RPL12: variants seen among roughly 807,000 people sequenced by gnomAD.
The protein encoded by RPL12 is large ribosomal subunit protein uL11.
RPL12 carries 10 observed loss-of-function variants against 24.5 expected under a neutral mutation model. The ratio of observed to expected loss-of-function variants is 0.41; its 90% CI spans 0.25 to 0.69. The LOEUF is 0.69. Ranked by LOEUF, RPL12 falls within the 30% of genes least tolerant of loss-of-function variation. RPL12 has a pLI of 0.33. For synonymous variants in RPL12, 74 were observed against 76.1 expected, an observed-to-expected ratio of 0.97 and a Z score of 0.14; for missense variants, 137 against 205.3, an observed-to-expected ratio of 0.67 and a Z score of 2.03.
chr9:127,447,676 C>A lies in RPL12; in HGVS notation c.*45G>T. ...AAGGAAGACGCCACACCAGAAAATCCACCAGTTGTCAAATGATCCTTTATT... is the reference window on the plus strand; with the variant it reads ...AAGGAAGACGCCACACCAGAAAATCAACCAGTTGTCAAATGATCCTTTATT... On this transcript the variant is annotated 3_prime_UTR_variant, in exon 7 of 7. Coordinates refer to ENST00000361436, the MANE Select transcript of RPL12 (RefSeq NM_000976.4). 1 of 1,612,468 alleles carries A rather than the reference C, an allele frequency of 6.2e-7. No homozygotes were observed. The highest frequency in any genetic ancestry group is 8.5e-7 in the Non-Finnish European group (1 of 1,179,172).
Position 127,451,276 on chromosome 9 carries a change from C to T in RPL12, c.37+5G>A. ...CGCAGCCCCGGCCACAACCAGAGCA[C>T]GCACCGACTTTGATCTCGTTGGGGT... On this transcript the variant is annotated splice_donor_5th_base_variant and intron_variant, in intron 1 of 6. Transcript: ENST00000361436. 1 of 1,612,958 alleles carries T rather than the reference C, an allele frequency of 6.2e-7. No homozygotes were observed. Among genetic ancestry groups the T allele is most frequent in the Non-Finnish European group, 8.5e-7 (1 of 1,179,716 alleles).
chr9:127,449,605 A>G lies in RPL12; in HGVS notation c.210+5T>C, dbSNP rs758674373. ...CCTCTCCCGAAACCAAGCACAAGCA[A>G]ATACCTGGGCCTGTCTGTTCTGAAT... On this transcript the variant is annotated splice_donor_5th_base_variant and intron_variant, in intron 3 of 6. Coordinates refer to ENST00000361436, the MANE Select transcript of RPL12 (RefSeq NM_000976.4). The G allele has an allele frequency of 6.2e-7, 1 of 1,613,486 alleles. No individual in the cohort carries two copies. Among genetic ancestry groups the G allele is most frequent in the Non-Finnish European group, 8.5e-7 (1 of 1,179,372 alleles).
Position 127,449,588 on chromosome 9 carries a change from G to A in RPL12, c.210+22C>T, listed in dbSNP as rs373798552. 103 of 1,599,552 alleles carry A rather than the reference G, an allele frequency of 6.4e-5. No individual in the cohort carries two copies. The East Asian group carries it at 1.5e-3, about 24-fold the overall frequency. Reference sequence around the variant, plus strand: ...ACCTGTCCCCCCACCCTCCTCTCCCGAAACCAAGCACAAGCAAATACCTGG... The same window carrying A: ...ACCTGTCCCCCCACCCTCCTCTCCCAAAACCAAGCACAAGCAAATACCTGG... On this transcript the variant is annotated intron_variant, in intron 3 of 6. Coordinates refer to ENST00000361436, the MANE Select transcript of RPL12 (RefSeq NM_000976.4).
chr9:127,450,866 G>GAGA, intron 1 of RPL12, 62 bp from the exon 2 acceptor site: 1 of 1,294,788 alleles, frequency 7.7e-7, no homozygotes, highest in Admixed American at 2.3e-5. Context: ...CCCTCTCAGC[G>GAGA]TCTTTCCGGG....
chr9:127,448,053 G>A, intron 5 of RPL12, 64 bp from the exon 6 acceptor site: 8 of 1,529,114 alleles, frequency 5.2e-6, no homozygotes, highest in Non-Finnish European at 7.0e-6. Flanking sequence ...TGCAGATACT[G>A]GGGAATACTG....
chr9:127,448,720 C>A, intron 4 of RPL12: 1 of 571,430 alleles, frequency 1.7e-6, no homozygotes, highest in Non-Finnish European at 3.3e-6. Flanking sequence ...GGGAGTTAAA[C>A]TGCCCAGTAC....
chr9:127,449,379 T>C lies in RPL12; in HGVS notation c.211-17A>G, dbSNP rs761298225. The C allele has an allele frequency of 6.2e-7, 1 of 1,602,972 alleles. No homozygotes were observed. Among genetic ancestry groups the C allele is most frequent in the South Asian group, 1.1e-5 (1 of 90,900 alleles). On this transcript the variant is annotated splice_polypyrimidine_tract_variant and intron_variant, in intron 3 of 6. Transcript: ENST00000361436. Reference sequence around the variant, plus strand: ...CACCTCAATCTGCAGAAGAGATTCCTGAGTGAATACTCCACCTCCAGTGAA... The same window carrying C: ...CACCTCAATCTGCAGAAGAGATTCCCGAGTGAATACTCCACCTCCAGTGAA...
chr9:127,450,960 C>T, intron 1 of RPL12, 156 bp from the exon 2 acceptor site: 1 of 672,912 alleles, frequency 1.5e-6, no homozygotes, highest in South Asian at 2.0e-5. Flanking sequence ...GTGTGGGCAG[C>T]TCCGAAACTC....
intron 3 of RPL12, 59 bp downstream of exon 3, chr9:127,449,551 C>T: frequency 2.0e-6 from 3 of 1,487,326 alleles, no homozygotes; most frequent in Non-Finnish European, 2.8e-6. Context: ...TCAGGAATCC[C>T]AGAGGGTTGC....
chr9:127,447,813 TCTCTGTGAATACAC>T, intron 6 of RPL12, 50 bp downstream of exon 6: 1 of 1,612,138 alleles, frequency 6.2e-7, no homozygotes, highest in Non-Finnish European at 8.5e-7. Context: ...TCCCAGCTTA[TCTCTGTGAATACAC>T]TGGGTGGCCC....
At chr9:127,449,206 A>G (rs1219768280) in intron 4 of RPL12, 75 bp downstream of exon 4, 2 of 1,255,908 alleles carry the variant, frequency 1.6e-6, no homozygotes, top group South Asian at 1.3e-5. Context: ...GTTTCCTTTA[A>G]GGGAAAACAC....
At chr9:127,450,684 A>G (rs1221646344) in intron 2 of RPL12, 47 bp downstream of exon 2, 1 of 1,425,980 alleles carries the variant, frequency 7.0e-7, no homozygotes, top group Non-Finnish European at 9.6e-7. Flanking sequence ...CCGGCGCTTA[A>G]AGTGAAACAA....
At position 127,449,307 on chromosome 9, in the gene RPL12, G is replaced by A; in HGVS notation, c.266C>T (p.Pro89Leu). The change falls in exon 4 of 7, where the codon CCA (proline) becomes CTA (leucine). Residue 89 changes from proline (P) to leucine (L), a missense_variant. By Grantham distance (98) the Pro-to-Leu change is moderately conservative (BLOSUM62 -3). Coordinates refer to ENST00000361436, the MANE Select transcript of RPL12 (RefSeq NM_000976.4). ...GTTTTTCTGTTTCTTTCTGTCTCTT[G>A]GTGGTTCCTTGAGGGCTTTGATGAT... ...ALIIKALKEPPRDRKKQKNIK... is the reference protein window; with the variant it reads ...ALIIKALKEPLRDRKKQKNIK... 2 of 1,612,602 alleles carry A rather than the reference G, an allele frequency of 1.2e-6. No homozygotes were observed. Among genetic ancestry groups the A allele is most frequent in the Non-Finnish European group, 1.7e-6 (2 of 1,179,958 alleles).
chr9:127,448,560 G>A, intron 4 of RPL12, 137 bp from the exon 5 acceptor site: 1 of 776,948 alleles, frequency 1.3e-6, no homozygotes, highest in East Asian at 2.4e-5. Flanking sequence ...TGTTTCCTAA[G>A]CTGGGGTTTA....
In RPL12 at chr9:127,448,008, T is replaced by C. The variant is rs561192837; in HGVS notation, c.380-19A>G. 3 of 1,592,832 alleles carry C rather than the reference T, an allele frequency of 1.9e-6. No individual in the cohort carries two copies. In the African/African-American group the frequency reaches 4.0e-5, roughly 21 times the overall value. On this transcript the variant is annotated intron_variant, in intron 5 of 6. Coordinates refer to ENST00000361436, the MANE Select transcript of RPL12 (RefSeq NM_000976.4). The stretch of plus-strand genomic sequence containing the variant: ...ATGGTTCCTTTAAGTAAAGAAATGG[T>C]GGCATTGGAGGTGCTGGCTCAGTCC...
chr9:127,449,568 T>C lies in RPL12; in HGVS notation c.210+42A>G, dbSNP rs751228318. On this transcript the variant is annotated intron_variant, in intron 3 of 6. Transcript: ENST00000361436. Reference sequence around the variant, plus strand: ...AGGAATCCCAGAGGGTTGCTACCTGTCCCCCCACCCTCCTCTCCCGAAACC... The same window carrying C: ...AGGAATCCCAGAGGGTTGCTACCTGCCCCCCCACCCTCCTCTCCCGAAACC... The C allele has an allele frequency of 5.9e-6, 9 of 1,536,312 alleles. No individual in the cohort carries two copies. The South Asian group carries it at 1.0e-4, about 17-fold the overall frequency.
In RPL12 at chr9:127,448,005, T is replaced by C; in HGVS notation, c.380-16A>G. The stretch of plus-strand genomic sequence containing the variant: ...TTAATGGTTCCTTTAAGTAAAGAAA[T>C]GGTGGCATTGGAGGTGCTGGCTCAG... On this transcript the variant is annotated splice_polypyrimidine_tract_variant and intron_variant, in intron 5 of 6. Coordinates refer to ENST00000361436, the MANE Select transcript of RPL12 (RefSeq NM_000976.4). 6.3e-7 allele frequency: 1 copy of C among 1,593,050 alleles called. No individual in the cohort carries two copies. The highest frequency in any genetic ancestry group is 1.3e-5 in the African/African-American group (1 of 74,192).
intron 4 of RPL12, 24 bp from the exon 5 acceptor site, chr9:127,448,447 G>A: frequency 1.3e-6 from 2 of 1,527,994 alleles, no homozygotes; most frequent in Non-Finnish European, 1.8e-6. Flanking sequence ...AACAGCAAAA[G>A]CTCTTTTAAA....
rs374063879 is a variant in RPL12, at chr9:127,451,262, C to G, written c.37+19G>C. 1 of 1,612,242 alleles carries G rather than the reference C, an allele frequency of 6.2e-7. No individual in the cohort carries two copies. Among genetic ancestry groups the G allele is most frequent in the East Asian group, 2.2e-5 (1 of 44,860 alleles). ...GGGATGCTCCATCCCGCAGCCCCGG[C>G]CACAACCAGAGCACGCACCGACTTT... On this transcript the variant is annotated intron_variant, in intron 1 of 6. Coordinates refer to ENST00000361436, the MANE Select transcript of RPL12 (RefSeq NM_000976.4).
Sources: allele counts gnomAD v4.1 joint callset, GRCh38; gene constraint gnomAD v4.1.1; transcripts MANE v1.5; gene names NCBI Gene and HGNC (gene_info 2026-07-23, HGNC 2026-07-21).